Variants in CHMP5 observed in about 807,000 individuals in gnomAD.
CHMP5 encodes SNF7 domain containing 2.
CHMP5 carries 17 observed loss-of-function variants against 33.0 expected under a neutral mutation model. That is an observed-to-expected ratio of 0.52 (90% confidence interval 0.35 to 0.77). The LOEUF (loss-of-function observed/expected upper bound fraction) is 0.77. Ranked by LOEUF, CHMP5 falls within the 30% of genes least tolerant of loss-of-function variation. The pLI is 0.01. For synonymous variants in CHMP5, 76 were observed against 90.2 expected (o/e 0.84, Z 0.89); for missense variants, 216 against 261.5 (o/e 0.83, Z 1.20).
intron 5 of CHMP5, among the ~76,000 whole-genome samples, chr9:33,273,616 A>T (rs887490208): frequency 1.3e-5 from 2 of 151,730 alleles, no homozygotes; most frequent in African/African-American, 4.8e-5. Flanking sequence ...TCATTGTTTT[A>T]TAGCTTTAAC....
At chr9:33,275,298 C>A (rs367857592) in intron 5 of CHMP5, among the ~76,000 whole-genome samples, 16 of 152,312 alleles carry the variant, frequency 1.1e-4, no homozygotes, top group African/African-American at 3.9e-4. Flanking sequence ...TACCAAGGGA[C>A]AACTGCATTT....
chr9:33,266,138 A>C, intron 2 of CHMP5, 24 bp downstream of exon 2: 2 of 1,506,766 alleles, frequency 1.3e-6, no homozygotes, highest in Non-Finnish European at 1.8e-6. Flanking sequence ...CAACTGCTGC[A>C]CAAGGTGCTG....
chr9:33,265,083 A>G lies in CHMP5; in HGVS notation c.5A>G (p.Asn2Ser). The change falls in exon 1 of 8, where the codon AAC becomes AGC. Residue 2 changes from asparagine to serine, a missense_variant. Physicochemically the swap from Asn to Ser is conservative, Grantham distance 46. Coordinates refer to ENST00000223500, the MANE Select transcript of CHMP5 (RefSeq NM_016410.6). Reference sequence around the variant, plus strand: ...GTTTCTTCGCGGCTGCTCAAGATGAACCGACTCTTCGGGAAAGCGAAACCC... The same window carrying G: ...GTTTCTTCGCGGCTGCTCAAGATGAGCCGACTCTTCGGGAAAGCGAAACCC... Reference protein sequence around the residue: MNRLFGKAKPKA... With the variant: MSRLFGKAKPKA... The G allele has an allele frequency of 2.5e-6, 4 of 1,614,084 alleles. No individual in the cohort carries two copies. Among genetic ancestry groups the G allele is most frequent in the Non-Finnish European group, 2.5e-6 (3 of 1,180,008 alleles).
chr9:33,278,638 CTTTTTT>C (rs78182977), intron 7 of CHMP5, among the ~76,000 whole-genome samples: 2 of 145,138 alleles, frequency 1.4e-5, no homozygotes, highest in African/African-American at 2.5e-5. Context: ...CTTTCTTTTT[CTTTTTT>C]TTTTTTCCTG....
At chr9:33,272,482 A>T (rs2118029925) in intron 5 of CHMP5, among the ~76,000 whole-genome samples, 2 of 152,048 alleles carry the variant, frequency 1.3e-5, no homozygotes, top group South Asian at 4.2e-4. Context: ...CTCTGCAAAG[A>T]TATTCTCTCA....
At chr9:33,270,153 G>A (rs141901034) in intron 3 of CHMP5, among the ~76,000 whole-genome samples, 276 of 152,248 alleles carry the variant, frequency 1.8e-3, no homozygotes, top group African/African-American at 6.0e-3. Flanking sequence ...TATTTTTACT[G>A]TACCTTTTCT....
intron 2 of CHMP5, among the ~76,000 whole-genome samples, chr9:33,267,533 G>A (rs1161944645): frequency 1.3e-5 from 2 of 152,182 alleles, no homozygotes; most frequent in South Asian, 2.1e-4. Flanking sequence ...GGCTGTACAA[G>A]TGAAGAATCT....
intron 6 of CHMP5, among the ~76,000 whole-genome samples, chr9:33,277,600 AACAG>A (rs1228619303): frequency 6.6e-6 from 1 of 152,224 alleles, no homozygotes; most frequent in African/African-American, 2.4e-5. Flanking sequence ...TGGTAGCAGA[AACAG>A]ACAGAAGTGG....
intron 5 of CHMP5, among the ~76,000 whole-genome samples, chr9:33,276,221 C>T (rs1435942054): frequency 6.6e-6 from 1 of 152,122 alleles, no homozygotes; most frequent in African/African-American, 2.4e-5. Context: ...GTTACTTGAA[C>T]CTGTCCTTTA....
intron 5 of CHMP5, 76 bp downstream of exon 5, chr9:33,271,299 A>G (rs1427692662): frequency 6.8e-6 from 8 of 1,184,650 alleles, no homozygotes; most frequent in African/African-American, 1.5e-5. Flanking sequence ...ATGTGATAGG[A>G]AGAGCACAGG....
chr9:33,271,413 A>G (rs937782800), intron 5 of CHMP5, among the ~76,000 whole-genome samples, 190 bp downstream of exon 5: 2 of 152,234 alleles, frequency 1.3e-5, no homozygotes, highest in African/African-American at 4.8e-5. Context: ...TACCACATAC[A>G]GTTACAGACA....
At chr9:33,275,895 A>G (rs1820848696) in intron 5 of CHMP5, among the ~76,000 whole-genome samples, 1 of 152,172 alleles carries the variant, frequency 6.6e-6, no homozygotes, top group South Asian at 2.1e-4. Flanking sequence ...TTGTAATGTC[A>G]GCTATTTGGA....
chr9:33,278,306 T>C (rs1587800532), intron 7 of CHMP5, 81 bp downstream of exon 7: 1 of 857,150 alleles, frequency 1.2e-6, no homozygotes, highest in Non-Finnish European at 1.9e-6. Context: ...ATCTAAAAGG[T>C]AGTCTTAACA....
intron 1 of CHMP5, among the ~76,000 whole-genome samples, chr9:33,265,485 C>T (rs1820702764): frequency 6.6e-6 from 1 of 152,194 alleles, no homozygotes; most frequent in African/African-American, 2.4e-5. Context: ...TGATCCCTTA[C>T]CCTTCTTCCA....
chr9:33,279,258 T>C (rs62542695), intron 7 of CHMP5, among the ~76,000 whole-genome samples: 8,726 of 152,132 alleles, frequency 0.057, 276 homozygotes, highest in East Asian at 0.096. Context: ...TTGAGCAAAA[T>C]AGCAGAAATT....
Position 33,281,962 on chromosome 9 carries a change from T to C in CHMP5, c.*1103T>C, listed in dbSNP as rs756568751. Reference sequence around the variant, plus strand: ...TCCTGTCCTCCCTTCCTCATTCAACTTGTTGCCAACAGCATGGCCCCTCCA... The same window carrying C: ...TCCTGTCCTCCCTTCCTCATTCAACCTGTTGCCAACAGCATGGCCCCTCCA... On this transcript the variant is annotated 3_prime_UTR_variant, in exon 8 of 8. Coordinates refer to ENST00000223500, the MANE Select transcript of CHMP5 (RefSeq NM_016410.6). The C allele has an allele frequency of 1.3e-5, 2 of 152,246 alleles. No homozygotes were observed. The highest frequency in any genetic ancestry group is 6.5e-5 in the Admixed American group (1 of 15,282). 9.4% of individuals were successfully genotyped at this position (152,246 alleles called of 1,614,324 possible). A position where few individuals can be genotyped will look rare whatever the true frequency, so the allele number is the denominator to read the frequency against.
chr9:33,265,050 G>T lies in CHMP5; in HGVS notation c.-29G>T. 1 of 1,613,972 alleles carries T rather than the reference G, an allele frequency of 6.2e-7. No individual in the cohort carries two copies. Among genetic ancestry groups the T allele is most frequent in the African/African-American group, 1.3e-5 (1 of 75,068 alleles). On this transcript the variant is annotated 5_prime_UTR_variant, in exon 1 of 8. Coordinates refer to ENST00000223500, the MANE Select transcript of CHMP5 (RefSeq NM_016410.6). ...TGCTTCCGTTTCTGGTTTTGCTCTA[G>T]TGTTTGGGTTTCTTCGCGGCTGCTC...
chr9:33,280,457 C>T (rs934969569), intron 7 of CHMP5, among the ~76,000 whole-genome samples: 3 of 152,164 alleles, frequency 2.0e-5, no homozygotes, highest in Non-Finnish European at 2.9e-5. Context: ...AGGTATTGGT[C>T]CAGAGTGAAA....
intron 1 of CHMP5, among the ~76,000 whole-genome samples, chr9:33,265,579 C>A (rs111809650): frequency 0.022 from 3,380 of 152,298 alleles, 143 homozygotes; most frequent in African/African-American, 0.077. Flanking sequence ...CTCAGTAACA[C>A]AAAACTCAGA....
Sources: gnomAD v4.1 joint callset for allele counts (sites outside exome capture counted in the v4.1 genomes callset) on GRCh38, gnomAD v4.1.1 for gene constraint, MANE v1.5 for transcripts, NCBI Gene and HGNC (gene_info 2026-07-23, HGNC 2026-07-21) for gene names.